PKHD1L1: variants seen among roughly 807,000 people sequenced by gnomAD.
PKHD1L1 encodes PKHD1 like 1.
In PKHD1L1, 434 loss-of-function variants were observed where a neutral mutation model predicts 462.9. The ratio of observed to expected loss-of-function variants is 0.94; its 90% CI spans 0.87 to 1.02. The LOEUF (loss-of-function observed/expected upper bound fraction) is 1.02. Ranked by LOEUF, PKHD1L1 falls within the 50% of genes least tolerant of loss-of-function variation. The pLI is 0.00. For missense variants in PKHD1L1, 5,202 were observed against 5,096.1 expected, an observed-to-expected ratio of 1.02 and a Z score of -0.63; for synonymous variants, 1,781 against 1,750.0, an observed-to-expected ratio of 1.02 and a Z score of -0.44.
At position 109,498,767 on chromosome 8, in the gene PKHD1L1, C is replaced by T. The variant is rs993787856; in HGVS notation, c.10824C>T (p.Ile3608=). The T allele has an allele frequency of 1.1e-5, 17 of 1,602,398 alleles. No individual in the cohort carries two copies. Among genetic ancestry groups the T allele is most frequent in the Non-Finnish European group, 1.3e-5 (15 of 1,169,832 alleles). The change falls in exon 67 of 78, where the codon ATC becomes ATT. Residue 3608 remains isoleucine, a synonymous_variant. Transcript: ENST00000378402. Reference sequence around the variant, plus strand: ...ATGCCATCAGTGGCCTTTTGGACATCTCAGGCAAGTACACAGTCTTTTACA... The same window carrying T: ...ATGCCATCAGTGGCCTTTTGGACATTTCAGGCAAGTACACAGTCTTTTACA... ...SYNAISGLLD[I]SGSTFVGFKN... is the part of the protein sequence containing the mutation.
chr8:109,443,912 T>C lies in PKHD1L1; in HGVS notation c.4791+10T>C, dbSNP rs758041008. The C allele has an allele frequency of 3.2e-6, 5 of 1,568,202 alleles. No individual in the cohort carries two copies. The South Asian group carries it at 5.6e-5, about 18-fold the overall frequency. Reference sequence around the variant, plus strand: ...CCCATGGGCTAATAAGGTAAGAATATAAATACCTCCTTTGTACTTCTATTA... The same window carrying C: ...CCCATGGGCTAATAAGGTAAGAATACAAATACCTCCTTTGTACTTCTATTA... On this transcript the variant is annotated intron_variant, in intron 37 of 77. Coordinates refer to ENST00000378402, the MANE Select transcript of PKHD1L1 (RefSeq NM_177531.6).
At chr8:109,407,762 G>A (rs981028381) in intron 17 of PKHD1L1, among the ~76,000 whole-genome samples, 1 of 152,054 alleles carries the variant, frequency 6.6e-6, no homozygotes, top group Non-Finnish European at 1.5e-5. Context: ...TTTATTCATG[G>A]TCCTAATACA....
intron 4 of PKHD1L1, among the ~76,000 whole-genome samples, chr8:109,383,153 A>G (rs1295199973): frequency 3.0e-5 from 2 of 66,260 alleles, no homozygotes; most frequent in African/African-American, 1.4e-4. Context: ...TATATTATAT[A>G]TATTTATATA....
chr8:109,451,135 G>A lies in PKHD1L1; in HGVS notation c.6336G>A (p.Val2112=). The part of the protein sequence containing the change: ...STAGGTRLTV[V]GSGFSENMED... Reference sequence around the variant, plus strand: ...CAGGGGGCACCAGACTGACAGTCGTGGGATCAGGATTCAGGTACTGTCTCC... The same window carrying A: ...CAGGGGGCACCAGACTGACAGTCGTAGGATCAGGATTCAGGTACTGTCTCC... Residue 2112 remains valine, a synonymous_variant, in exon 41 of 78, where the codon GTG becomes GTA. Coordinates refer to ENST00000378402, the MANE Select transcript of PKHD1L1 (RefSeq NM_177531.6). 1 of 1,608,630 alleles carries A rather than the reference G, an allele frequency of 6.2e-7. No individual in the cohort carries two copies. Among genetic ancestry groups the A allele is most frequent in the Admixed American group, 1.7e-5 (1 of 59,494 alleles).
chr8:109,394,279 A>G (rs1466894321), intron 9 of PKHD1L1, 136 bp from the exon 10 acceptor site: 1 of 529,894 alleles, frequency 1.9e-6, no homozygotes, highest in African/African-American at 1.9e-5. Context: ...ATCAAAATAA[A>G]GAACATTCTT....
In PKHD1L1 at chr8:109,497,192, A is replaced by C. The variant is rs750702995; in HGVS notation, c.10519A>C (p.Asn3507His). The stretch of plus-strand genomic sequence containing the variant: ...CATTTATAATGTGACCCTGGTTGAC[A>C]ATGGAATGGCCATTTTTCCAATGAT... ...VHIYNVTLVD[N>H]GMAIFPMIYM... The change falls in exon 65 of 78, where the codon AAT becomes CAT. Residue 3507 changes from asparagine (N) to histidine (H), a missense_variant. Around this residue, in one of 3 missense-constraint regions of PKHD1L1, gnomAD observed 4,497 missense variants for 4,336.8 expected, o/e 1.04. Transcript: ENST00000378402. The C allele has an allele frequency of 6.2e-7, 1 of 1,613,868 alleles. No individual in the cohort carries two copies. The highest frequency in any genetic ancestry group is 8.5e-7 in the Non-Finnish European group (1 of 1,179,800).
At chr8:109,509,469 T>C (rs971870906) in intron 70 of PKHD1L1, among the ~76,000 whole-genome samples, 1 of 151,702 alleles carries the variant, frequency 6.6e-6, no homozygotes, top group African/African-American at 2.4e-5. Context: ...AAAGTGACTA[T>C]CAATTTAAAG....
intron 71 of PKHD1L1, among the ~76,000 whole-genome samples, 179 bp from the exon 72 acceptor site, chr8:109,514,991 A>G (rs1820189812): frequency 6.6e-6 from 1 of 152,094 alleles, no homozygotes; most frequent in Non-Finnish European, 1.5e-5. Context: ...AAGTTGTACT[A>G]TCTGTATGAA....
chr8:109,497,408 GC>G, intron 65 of PKHD1L1, 136 bp downstream of exon 65: 1 of 985,912 alleles, frequency 1.0e-6, no homozygotes, highest in Non-Finnish European at 1.4e-6. Context: ...TGTTCCCACT[GC>G]CCTCTGCCTA....
intron 9 of PKHD1L1, among the ~76,000 whole-genome samples, chr8:109,394,210 A>G (rs1025151163): frequency 1.4e-5 from 2 of 147,180 alleles, no homozygotes; most frequent in Admixed American, 6.7e-5. Context: ...AATCAACTTT[A>G]TTGAGATATA....
chr8:109,536,279 A>G lies in PKHD1L1; in HGVS notation c.*6189A>G, dbSNP rs112798720. Among the ~76,000 whole-genome samples, 392 of 152,374 alleles carry G rather than the reference A, an allele frequency of 2.6e-3. 3 individuals are homozygous for G. The highest frequency in any genetic ancestry group is 9.1e-3 in the African/African-American group (380 of 41,588). On this transcript the variant is annotated 3_prime_UTR_variant, in exon 78 of 78. Coordinates refer to ENST00000378402, the MANE Select transcript of PKHD1L1 (RefSeq NM_177531.6). ...AATTTGCAAAATAAATCCGTAAAGC[A>G]GGAATTACTAACCTAATTTTGCAGA...
At chr8:109,483,512 C>T (rs1818374059) in intron 57 of PKHD1L1, among the ~76,000 whole-genome samples, 1 of 140,316 alleles carries the variant, frequency 7.1e-6, no homozygotes, top group Admixed American at 7.7e-5. Flanking sequence ...ATAAATTAGT[C>T]ATATTATTTT....
At chr8:109,516,741 A>G (rs953826769) in intron 72 of PKHD1L1, among the ~76,000 whole-genome samples, 1 of 152,134 alleles carries the variant, frequency 6.6e-6, no homozygotes, top group Non-Finnish European at 1.5e-5. Flanking sequence ...TGGCATTTAT[A>G]GCTTAATTTT....
Position 109,486,628 on chromosome 8 carries a change from T to A in PKHD1L1, c.9707-20T>A. 1.2e-6 allele frequency: 2 copies of A among 1,604,168 alleles called. No individual in the cohort carries two copies. Among genetic ancestry groups the A allele is most frequent in the Non-Finnish European group, 1.7e-6 (2 of 1,174,306 alleles). ...ATACTTCTCAGCATTGGCAATAATC[T>A]AGCTGCCTTTATACTGCAGCTGAAA... is the stretch of plus-strand genomic sequence containing the variant. On this transcript the variant is annotated intron_variant, in intron 58 of 77. Transcript: ENST00000378402.
At chr8:109,462,832 G>A (rs528476427) in intron 48 of PKHD1L1, among the ~76,000 whole-genome samples, 3 of 151,950 alleles carry the variant, frequency 2.0e-5, no homozygotes, top group East Asian at 1.9e-4. Context: ...GAGCCATGGC[G>A]CCTGGCCTGT....
intron 14 of PKHD1L1, among the ~76,000 whole-genome samples, chr8:109,402,693 T>A (rs1455586091): frequency 6.6e-6 from 1 of 152,150 alleles, no homozygotes; most frequent in Non-Finnish European, 1.5e-5. Context: ...ACTTCCCTTC[T>A]TGATGGGAGG....
At chr8:109,397,515 AAAAGAAAG>A (rs1813040381) in intron 11 of PKHD1L1, among the ~76,000 whole-genome samples, 1 of 148,956 alleles carries the variant, frequency 6.7e-6, no homozygotes, top group South Asian at 2.3e-4. Context: ...TCTCTACAAA[AAAAGAAAG>A]AAAAAAAAGA....
chr8:109,480,086 G>T lies in PKHD1L1; in HGVS notation c.9274G>T (p.Ala3092Ser). 6.3e-7 allele frequency: 1 copy of T among 1,581,352 alleles called. No homozygotes were observed. Among genetic ancestry groups the T allele is most frequent in the Non-Finnish European group, 8.6e-7 (1 of 1,163,128 alleles). The change falls in exon 55 of 78, where the codon GCA (alanine) becomes TCA (serine). Residue 3092 changes from alanine (A) to serine (S), a missense_variant. By Grantham distance (99) the Ala-to-Ser change is moderately conservative (BLOSUM62 1). Coordinates refer to ENST00000378402, the MANE Select transcript of PKHD1L1 (RefSeq NM_177531.6). ...GGAAGATAAATACAATGTAGGAGCT[G>T]CAGAATCTTCTTACAGAGAAGTTGT... is the stretch of plus-strand genomic sequence containing the variant. ...ELEDKYNVGA[A>S]ESSYREVVLN...
chr8:109,468,233 C>G, intron 50 of PKHD1L1, among the ~76,000 whole-genome samples: 1 of 152,192 alleles, frequency 6.6e-6, no homozygotes, highest in East Asian at 1.9e-4. Flanking sequence ...ATGTTGTCAG[C>G]TTCTCTTATT....
Sources: allele counts gnomAD v4.1 joint callset (sites outside exome capture counted in the v4.1 genomes callset), GRCh38; gene constraint gnomAD v4.1.1; regional missense constraint gnomAD v4.1.1; transcripts MANE v1.5; gene names NCBI Gene and HGNC (gene_info 2026-07-23, HGNC 2026-07-21).